GPR39: variants seen among roughly 807,000 people sequenced by gnomAD.
The protein encoded by GPR39 is G protein-coupled receptor 39, also known as zinc sensing receptor.
GPR39 carries 23 observed loss-of-function variants against 18.4 expected under a neutral mutation model. That is an observed-to-expected ratio of 1.25 (90% CI 0.90 to 1.77). The LOEUF is 1.77. Among genes scored for constraint, GPR39 ranks in the 40% most tolerant of loss-of-function variants. The pLI is 0.00. For synonymous variants in GPR39, 280 were observed against 257.9 expected (o/e 1.09, Z -0.82); for missense variants, 647 against 602.4 (o/e 1.07, Z -0.78).
chr2:132,470,552 G>GT (rs898866042), intron 1 of GPR39, among the ~76,000 whole-genome samples: 36 of 152,276 alleles, frequency 2.4e-4, no homozygotes, highest in African/African-American at 8.7e-4. Context: ...GTTGGCCGCT[G>GT]TAAGGATGCT....
At chr2:132,428,431 G>A (rs1680167305) in intron 1 of GPR39, among the ~76,000 whole-genome samples, 1 of 152,198 alleles carries the variant, frequency 6.6e-6, no homozygotes, top group African/African-American at 2.4e-5. Flanking sequence ...TGCAGGGTCT[G>A]GGTTGTGGCT....
At chr2:132,512,643 C>A (rs1279721403) in intron 1 of GPR39, among the ~76,000 whole-genome samples, 1 of 152,162 alleles carries the variant, frequency 6.6e-6, no homozygotes, top group Non-Finnish European at 1.5e-5. Context: ...AGGGACTTAA[C>A]AATAGTTTTC....
chr2:132,643,390 T>C (rs937975581), intron 1 of GPR39, among the ~76,000 whole-genome samples: 9 of 152,168 alleles, frequency 5.9e-5, no homozygotes, highest in Non-Finnish European at 7.4e-5. Flanking sequence ...CTTGCTCACA[T>C]ATGGATTTGT....
chr2:132,616,697 C>T (rs551238152), intron 1 of GPR39, among the ~76,000 whole-genome samples: 2 of 152,310 alleles, frequency 1.3e-5, no homozygotes, highest in South Asian at 4.1e-4. Flanking sequence ...GCATGAGCTC[C>T]TTGAGGGCCA....
chr2:132,532,015 G>T (rs1350930522), intron 1 of GPR39, among the ~76,000 whole-genome samples: 2 of 152,188 alleles, frequency 1.3e-5, no homozygotes, highest in Non-Finnish European at 2.9e-5. Context: ...AGAACTGAAG[G>T]AGATAGAGAC....
chr2:132,531,096 G>A (rs1338491031), intron 1 of GPR39, among the ~76,000 whole-genome samples: 21 of 152,178 alleles, frequency 1.4e-4, no homozygotes, highest in Non-Finnish European at 2.2e-4. Flanking sequence ...AGTGTGCTGT[G>A]TTCAGGAAAC....
At chr2:132,535,695 C>CTTTTTTT (rs753801511) in intron 1 of GPR39, among the ~76,000 whole-genome samples, 6 of 96,540 alleles carry the variant, frequency 6.2e-5, no homozygotes, top group African/African-American at 1.2e-4. Flanking sequence ...TGGTCCTGGG[C>CTTTTTTT]TTTTTTTTTT....
chr2:132,462,056 T>C (rs1440418616), intron 1 of GPR39, among the ~76,000 whole-genome samples: 2 of 152,218 alleles, frequency 1.3e-5, no homozygotes, highest in Non-Finnish European at 2.9e-5. Context: ...CATGACTGTT[T>C]TAATCACCTC....
chr2:132,523,234 A>T (rs1361732472), intron 1 of GPR39, among the ~76,000 whole-genome samples: 1 of 152,232 alleles, frequency 6.6e-6, no homozygotes, highest in South Asian at 2.1e-4. Context: ...AGAACATTAA[A>T]AAAGGAGAAA....
At chr2:132,545,385 G>T (rs1381833314) in intron 1 of GPR39, among the ~76,000 whole-genome samples, 1 of 152,176 alleles carries the variant, frequency 6.6e-6, no homozygotes, top group African/African-American at 2.4e-5. Flanking sequence ...AAGGTGATGT[G>T]ATTTCAGGGT....
At position 132,417,028 on chromosome 2, in the gene GPR39, C is replaced by G; in HGVS notation, c.-15C>G. The stretch of plus-strand genomic sequence containing the variant: ...TGAGAAAGTCTTTGGACCTGGTAGC[C>G]TGGTGCTCTTTCTCATGGCTTCACC... On this transcript the variant is annotated 5_prime_UTR_variant, in exon 1 of 2. Coordinates refer to ENST00000329321, the MANE Select transcript of GPR39 (RefSeq NM_001508.3). 1 of 1,610,440 alleles carries G rather than the reference C, an allele frequency of 6.2e-7. No homozygotes were observed. The highest frequency in any genetic ancestry group is 1.7e-4 in the Middle Eastern group (1 of 5,870).
chr2:132,509,313 G>C (rs939379800), intron 1 of GPR39, among the ~76,000 whole-genome samples: 4 of 152,120 alleles, frequency 2.6e-5, no homozygotes, highest in Non-Finnish European at 5.9e-5. Context: ...AAAATAGAGA[G>C]ATGCACAGAG....
intron 1 of GPR39, among the ~76,000 whole-genome samples, chr2:132,502,876 C>G (rs1465723120): frequency 6.6e-6 from 1 of 152,110 alleles, no homozygotes; most frequent in African/African-American, 2.4e-5. Context: ...TTTTCTAGTG[C>G]ATTTTTTATT....
chr2:132,543,056 G>T (rs550780090), intron 1 of GPR39, among the ~76,000 whole-genome samples: 1 of 152,270 alleles, frequency 6.6e-6, no homozygotes, highest in Admixed American at 6.5e-5. Flanking sequence ...AATGATGCAG[G>T]ACTTTTTGCT....
At chr2:132,506,340 T>G (rs1205578946) in intron 1 of GPR39, among the ~76,000 whole-genome samples, 1 of 152,172 alleles carries the variant, frequency 6.6e-6, no homozygotes, top group Admixed American at 6.5e-5. Flanking sequence ...TATTATTTTT[T>G]CCATTCAACA....
chr2:132,598,427 T>G (rs959296715), intron 1 of GPR39, among the ~76,000 whole-genome samples: 3 of 133,616 alleles, frequency 2.2e-5, no homozygotes, highest in Non-Finnish European at 4.7e-5. Context: ...TGGTCTAAGG[T>G]GAACTTTTTT....
intron 1 of GPR39, among the ~76,000 whole-genome samples, chr2:132,539,249 C>T (rs951587631): frequency 1.3e-5 from 2 of 152,094 alleles, no homozygotes; most frequent in African/African-American, 4.8e-5. Context: ...AAGTATAGTA[C>T]CCGGGTAGGT....
At chr2:132,510,226 T>C (rs13036242) in intron 1 of GPR39, among the ~76,000 whole-genome samples, 67,092 of 152,014 alleles carry the variant, frequency 0.44, 15,606 homozygotes, top group Non-Finnish European at 0.5. Context: ...GGTTACCTAC[T>C]TGTCTGTGTC....
chr2:132,437,982 C>A (rs1451353465), intron 1 of GPR39, among the ~76,000 whole-genome samples: 1 of 152,146 alleles, frequency 6.6e-6, no homozygotes, highest in East Asian at 1.9e-4. Context: ...TGAAGTGTTA[C>A]TAAGAGGTTA....
Sources: allele counts gnomAD v4.1 joint callset (sites outside exome capture counted in the v4.1 genomes callset), GRCh38; gene constraint gnomAD v4.1.1; transcripts MANE v1.5; gene names NCBI Gene and HGNC (gene_info 2026-07-23, HGNC 2026-07-21).